The following ADSS1 variants were observed in gnomAD, a reference collection of about 807,000 sequenced individuals.
The protein encoded by ADSS1 is adenylosuccinate synthase 1, also known as adenylosuccinate synthetase isozyme 1.
Under a neutral mutation model 59.1 loss-of-function variants are expected in ADSS1, and 57 were observed. That is an observed-to-expected ratio of 0.97 (90% CI 0.78 to 1.20). The LOEUF is 1.20. Ranked by LOEUF, ADSS1 falls within the 50% of genes most tolerant of loss-of-function variation. The probability of loss-of-function intolerance (pLI) is 0.00; values close to 1 mark genes in which losing one functional copy is unlikely to be tolerated. For synonymous variants in ADSS1, 247 were observed against 249.4 expected, an observed-to-expected ratio of 0.99 and a Z score of 0.09; for missense variants, 603 against 610.3, an observed-to-expected ratio of 0.99 and a Z score of 0.13.
intron 4 of ADSS1, 125 bp downstream of exon 4, chr14:104,739,503 AT>A: frequency 8.7e-7 from 1 of 1,151,020 alleles, no homozygotes; most frequent in Non-Finnish European, 1.2e-6. Flanking sequence ...ACATGGCTCC[AT>A]TAGCTTGTAC....
chr14:104,746,893 C>T, intron 12 of ADSS1, 58 bp from the exon 13 acceptor site: 1 of 1,583,992 alleles, frequency 6.3e-7, no homozygotes, highest in Non-Finnish European at 8.7e-7. Flanking sequence ...CTAAAGACAA[C>T]TTTTTCTGAA....
intron 11 of ADSS1, chr14:104,745,888 T>C (rs117925793): frequency 2.8e-3 from 502 of 176,848 alleles, no homozygotes; most frequent in Non-Finnish European, 5.0e-3. Flanking sequence ...ACACAGATGC[T>C]TCAGGATCCC....
chr14:104,738,340 ACAACT>A (rs761738329), intron 2 of ADSS1, 31 bp from the exon 3 acceptor site: 1 of 1,611,228 alleles, frequency 6.2e-7, no homozygotes, highest in Admixed American at 1.7e-5. Context: ...TGTCTGGGAC[ACAACT>A]CTGTCTCTCA....
intron 12 of ADSS1, 49 bp downstream of exon 12, chr14:104,746,434 A>C (rs756507641): frequency 3.0e-5 from 48 of 1,578,696 alleles, no homozygotes; most frequent in Non-Finnish European, 4.1e-5. Flanking sequence ...TGGATGCCCC[A>C]AGGGGCCCAC....
chr14:104,742,257 C>T (rs1891393354), intron 9 of ADSS1, among the ~76,000 whole-genome samples: 1 of 152,284 alleles, frequency 6.6e-6, no homozygotes, highest in Non-Finnish European at 1.5e-5. Context: ...CACGTGACCT[C>T]GTTCCCCTCG....
Position 104,740,661 on chromosome 14 carries a change from C to T in ADSS1, c.537C>T (p.Gly179=). The T allele has an allele frequency of 6.2e-7, 1 of 1,613,938 alleles. No individual in the cohort carries two copies. The highest frequency in any genetic ancestry group is 2.2e-5 in the East Asian group (1 of 44,852). Residue 179 remains glycine (G), a synonymous_variant, in exon 6 of 13, where the codon GGC becomes GGT. Coordinates refer to ENST00000330877, the MANE Select transcript of ADSS1 (RefSeq NM_152328.5). The surrounding 1 kb of genome is among the most constrained non-coding windows in gnomAD (Gnocchi z 4.8). ...ACTCTTCCAAAGCTGCCCGGACAGG[C>T]CTCCGCATCTGCGACCTCCTGTCAG... ...PTYSSKAART[G]LRICDLLSDF...
chr14:104,725,161 C>T lies in ADSS1; in HGVS notation c.192+699C>T, dbSNP rs1165374579. ...CCGAGGAGGCCAGACCTGCTTTGTC[C>T]CCCAGGGCCCAGGGCTGGGCCTCTG... is the stretch of plus-strand genomic sequence containing the variant. On this transcript the variant is annotated intron_variant, in intron 1 of 12. Coordinates refer to ENST00000330877, the MANE Select transcript of ADSS1 (RefSeq NM_152328.5). 2.0e-5 allele frequency among the ~76,000 whole-genome samples: 3 copies of T among 152,296 alleles called. No homozygotes were observed. In the East Asian group the frequency reaches 5.8e-4, roughly 29 times the overall value.
chr14:104,727,833 C>T (rs1335307348), intron 1 of ADSS1, among the ~76,000 whole-genome samples: 1 of 152,222 alleles, frequency 6.6e-6, no homozygotes, highest in African/African-American at 2.4e-5. Context: ...CCACAGGGCT[C>T]CAGCGCGCCC....
At chr14:104,730,295 A>G (rs1890875785) in intron 1 of ADSS1, 1 of 1,362,018 alleles carries the variant, frequency 7.3e-7, no homozygotes, top group South Asian at 1.7e-5. Flanking sequence ...GGAGTTCAAG[A>G]CCAGCCTGGC....
Position 104,724,364 on chromosome 14 carries a change from C to T in ADSS1, c.94C>T (p.Arg32Cys). The T allele has an allele frequency of 8.0e-7, 1 of 1,249,948 alleles. No individual in the cohort carries two copies. Among genetic ancestry groups the T allele is most frequent in the Admixed American group, 4.1e-5 (1 of 24,366 alleles). 77.4% of individuals were successfully genotyped at this position (1,249,948 alleles called of 1,614,324 possible). Residue 32 changes from arginine to cysteine, a missense_variant, in exon 1 of 13, where the codon CGC (arginine) becomes TGC (cysteine). Coordinates refer to ENST00000330877, the MANE Select transcript of ADSS1 (RefSeq NM_152328.5). ...GCAGGAGGCGGCGGCGACCGGCTCC[C>T]GCGTGACGGTGGTGCTGGGCGCGCA... ...LQQEAAATGS[R>C]VTVVLGAQWG...
At chr14:104,730,973 G>GC (rs1890910268) in intron 1 of ADSS1, among the ~76,000 whole-genome samples, 1 of 100,394 alleles carries the variant, frequency 1.0e-5, no homozygotes, top group East Asian at 3.4e-4. Context: ...GGGGGGGGGG[G>GC]GCTCAGTGTC....
chr14:104,734,134 C>T (rs1036886984), intron 1 of ADSS1, among the ~76,000 whole-genome samples: 3 of 152,204 alleles, frequency 2.0e-5, no homozygotes, highest in South Asian at 2.1e-4. Context: ...AGCTGTGAAG[C>T]GGGGCCTCCT....
Position 104,740,625 on chromosome 14 carries a change from C to A in ADSS1, c.501C>A (p.Ile167=). The part of the protein sequence containing the change: ...GKNIGTTKKG[I]GPTYSSKAAR... The stretch of plus-strand genomic sequence containing the variant: ...GTATAGGCACCACCAAGAAGGGAAT[C>A]GGACCAACCTACTCTTCCAAAGCTG... Residue 167 remains isoleucine (I), a synonymous_variant, in exon 6 of 13, where the codon ATC becomes ATA. Coordinates refer to ENST00000330877, the MANE Select transcript of ADSS1 (RefSeq NM_152328.5). This position sits in a 1 kb window ranked among gnomAD's most constrained non-coding sequence, Gnocchi z 4.8. The A allele has an allele frequency of 6.2e-7, 1 of 1,613,910 alleles. No homozygotes were observed. The highest frequency in any genetic ancestry group is 8.5e-7 in the Non-Finnish European group (1 of 1,179,990).
At chr14:104,729,425 G>A (rs1323554607) in intron 1 of ADSS1, among the ~76,000 whole-genome samples, 1 of 152,160 alleles carries the variant, frequency 6.6e-6, no homozygotes, top group Admixed American at 6.5e-5. Flanking sequence ...GAGGTGAGGA[G>A]CAAGGACAAA....
Position 104,744,874 on chromosome 14 carries a change from AC to A in ADSS1, c.1137del (p.Tyr379Ter). 6.2e-7 allele frequency: 1 copy of A among 1,614,176 alleles called. No individual in the cohort carries two copies. Among genetic ancestry groups the A allele is most frequent in the Non-Finnish European group, 8.5e-7 (1 of 1,180,036 alleles). ...VLGEVKVGVSYKLNGKRIPYF... is the reference protein window; with the variant it reads ...VLGEVKVGVSXKLNGKRIPYF... ...GGTGAGGTTAAAGTCGGTGTCTCATACAAGCTGAACGGGAAAAGGATTCCCT... is the reference window on the plus strand; with the variant it reads ...GGTGAGGTTAAAGTCGGTGTCTCATAAAGCTGAACGGGAAAAGGATTCCCT... On this transcript the variant is annotated frameshift_variant, in exon 11 of 13. Transcript: ENST00000330877. LOFTEE classifies it high-confidence loss of function.
At chr14:104,733,877 G>T (rs1268378497) in intron 1 of ADSS1, among the ~76,000 whole-genome samples, 3 of 152,114 alleles carry the variant, frequency 2.0e-5, no homozygotes, top group Non-Finnish European at 4.4e-5. Flanking sequence ...AAGGAGAGAG[G>T]GCAACAGGAA....
chr14:104,724,521 C>G, intron 1 of ADSS1, 59 bp downstream of exon 1: 1 of 1,228,454 alleles, frequency 8.1e-7, no homozygotes, highest in Non-Finnish European at 1.0e-6. Flanking sequence ...CTCCCCCGAC[C>G]CAGACGGCCC....
intron 1 of ADSS1, among the ~76,000 whole-genome samples, chr14:104,733,626 C>A (rs139424983): frequency 2.0e-5 from 3 of 152,140 alleles, no homozygotes; most frequent in Admixed American, 1.3e-4. Flanking sequence ...ACCCCTCTGC[C>A]GGGCAGAGAG....
chr14:104,724,333 G>A lies in ADSS1; in HGVS notation c.63G>A (p.Arg21=). ...PPGAGGVKRG[R]LQQEAAATGS... is the part of the protein sequence containing the mutation. ...GCGCAGGCGGCGTCAAGCGGGGGCG[G>A]CTGCAGCAGGAGGCGGCGGCGACCG... Residue 21 remains arginine (R), a synonymous_variant, in exon 1 of 13, where the codon CGG becomes CGA. Transcript: ENST00000330877. 2.4e-6 allele frequency: 3 copies of A among 1,240,498 alleles called. No individual in the cohort carries two copies. Among genetic ancestry groups the A allele is most frequent in the Non-Finnish European group, 3.0e-6 (3 of 988,810 alleles). The allele number at this position is 1,240,498 out of a possible 1,614,324, so 76.8% of individuals were successfully genotyped here.
Sources: allele counts gnomAD v4.1 joint callset (sites outside exome capture counted in the v4.1 genomes callset), GRCh38; gene constraint gnomAD v4.1.1; non-coding constraint Gnocchi (gnomAD v3.1); transcripts MANE v1.5; gene names NCBI Gene and HGNC (gene_info 2026-07-23, HGNC 2026-07-21).